Variants in GRIA4 observed in about 807,000 individuals in gnomAD.
The protein encoded by GRIA4 is glutamate receptor 4.
Under a neutral mutation model 104.0 loss-of-function variants are expected in GRIA4, and 34 were observed. That is an observed-to-expected ratio of 0.33 (90% CI 0.25 to 0.44). The LOEUF is 0.44. Ranked by LOEUF, GRIA4 falls within the 20% of genes least tolerant of loss-of-function variation. GRIA4 has a pLI of 1.00. For synonymous variants in GRIA4, 386 were observed against 381.9 expected (o/e 1.01, Z -0.13); for missense variants, 750 against 1,096.5 (o/e 0.68, Z 4.46).
chr11:105,722,314 A>T (rs1157926891), intron 3 of GRIA4, among the ~76,000 whole-genome samples: 2 of 152,166 alleles, frequency 1.3e-5, no homozygotes, highest in African/African-American at 4.8e-5. Context: ...ATGTAGGCTC[A>T]TTGTAAGTTG....
intron 3 of GRIA4, among the ~76,000 whole-genome samples, chr11:105,748,010 G>T (rs534009690): frequency 6.6e-6 from 1 of 152,262 alleles, no homozygotes; most frequent in African/African-American, 2.4e-5. Context: ...ATACTCCTAA[G>T]TACTGTACAC....
chr11:105,876,632 C>T (rs1459509575), intron 5 of GRIA4, among the ~76,000 whole-genome samples: 1 of 152,130 alleles, frequency 6.6e-6, no homozygotes, highest in Non-Finnish European at 1.5e-5. Flanking sequence ...GGATCGTTAG[C>T]TCTTCTTGTT....
intron 14 of GRIA4, among the ~76,000 whole-genome samples, chr11:105,961,478 T>G (rs1349950146): frequency 6.6e-6 from 1 of 152,170 alleles, no homozygotes; most frequent in African/African-American, 2.4e-5. Flanking sequence ...TTCTGGACAT[T>G]TTAACACTTG....
intron 4 of GRIA4, among the ~76,000 whole-genome samples, chr11:105,786,624 A>G (rs1374715230): frequency 6.6e-6 from 1 of 152,190 alleles, no homozygotes; most frequent in Non-Finnish European, 1.5e-5. Flanking sequence ...CTTCTAATTC[A>G]GTGGAGGGAA....
chr11:105,709,626 C>G (rs1041804367), intron 3 of GRIA4, among the ~76,000 whole-genome samples: 1 of 152,072 alleles, frequency 6.6e-6, no homozygotes, highest in African/African-American at 2.4e-5. Flanking sequence ...TTCCTCCACA[C>G]TGAGAAGGGT....
intron 3 of GRIA4, among the ~76,000 whole-genome samples, chr11:105,751,336 C>G (rs541541609): frequency 6.6e-6 from 1 of 152,264 alleles, no homozygotes; most frequent in South Asian, 2.1e-4. Flanking sequence ...ATACTTGCAT[C>G]CAAAGCCTTG....
At chr11:105,911,955 G>C in intron 10 of GRIA4, 1 of 1,523,558 alleles carries the variant, frequency 6.6e-7, no homozygotes, top group Non-Finnish European at 8.9e-7. Context: ...CCTAACTAAG[G>C]CTCAAGTCTT....
chr11:105,689,031 G>A lies in GRIA4; in HGVS notation c.248-63950G>A, dbSNP rs182809247. Among the ~76,000 whole-genome samples, 15 of 152,116 alleles carry A rather than the reference G, an allele frequency of 9.9e-5. No individual in the cohort carries two copies. The East Asian group carries it at 1.2e-3, about 12-fold the overall frequency. On this transcript the variant is annotated intron_variant, in intron 3 of 16. Coordinates refer to ENST00000282499, the MANE Select transcript of GRIA4 (RefSeq NM_000829.4). Reference sequence around the variant, plus strand: ...AAAGCAAGGGCCAAAGAGAGAGAGTGGGGTAGGTAACAAAAATAGAAGATG... The same window carrying A: ...AAAGCAAGGGCCAAAGAGAGAGAGTAGGGTAGGTAACAAAAATAGAAGATG...
At chr11:105,843,134 C>T (rs1944456814) in intron 4 of GRIA4, among the ~76,000 whole-genome samples, 1 of 152,124 alleles carries the variant, frequency 6.6e-6, no homozygotes, top group Non-Finnish European at 1.5e-5. Context: ...TTTTAAGATC[C>T]TCGCTCTTCC....
chr11:105,853,384 C>T (rs1944889460), intron 4 of GRIA4, among the ~76,000 whole-genome samples: 2 of 152,020 alleles, frequency 1.3e-5, no homozygotes, highest in African/African-American at 2.4e-5. Flanking sequence ...TAAAGGCTAC[C>T]TTAGGATATC....
At chr11:105,887,388 T>C (rs577343189) in intron 5 of GRIA4, 131 bp from the exon 6 acceptor site, 1 of 500,982 alleles carries the variant, frequency 2.0e-6, no homozygotes, top group African/African-American at 2.0e-5. Flanking sequence ...GTACGTGACT[T>C]TTATTTTTTA....
At position 105,655,201 on chromosome 11, in the gene GRIA4, T is replaced by A. The variant is rs914929778; in HGVS notation, c.247+42767T>A. Among the ~76,000 whole-genome samples the A allele has an allele frequency of 3.3e-5, 5 of 152,154 alleles. No homozygotes were observed. The South Asian group carries it at 6.2e-4, about 19-fold the overall frequency. On this transcript the variant is annotated intron_variant, in intron 3 of 16. Coordinates refer to ENST00000282499, the MANE Select transcript of GRIA4 (RefSeq NM_000829.4). ...TTTATAATTTTCTACATTATACACA[T>A]GATTATTAGTGTGATTCGAATATAA...
chr11:105,635,412 A>G (rs1047705170), intron 3 of GRIA4, among the ~76,000 whole-genome samples: 1 of 152,216 alleles, frequency 6.6e-6, no homozygotes, highest in African/African-American at 2.4e-5. Context: ...TGGTAGCTCC[A>G]TAGTAACTGC....
chr11:105,901,109 C>T (rs539012570), intron 7 of GRIA4, among the ~76,000 whole-genome samples: 1 of 152,200 alleles, frequency 6.6e-6, no homozygotes, highest in East Asian at 1.9e-4. Flanking sequence ...CCATCAAATA[C>T]TCATCTTTGT....
At chr11:105,771,566 T>C (rs1312859126) in intron 4 of GRIA4, among the ~76,000 whole-genome samples, 1 of 152,114 alleles carries the variant, frequency 6.6e-6, no homozygotes, top group African/African-American at 2.4e-5. Flanking sequence ...GGACATTTTT[T>C]TGTAAACCAG....
chr11:105,677,511 T>C (rs1952576687), intron 3 of GRIA4, among the ~76,000 whole-genome samples: 1 of 151,922 alleles, frequency 6.6e-6, no homozygotes, highest in Non-Finnish European at 1.5e-5. Flanking sequence ...AAGGAATCTA[T>C]AAATTCAAAC....
intron 3 of GRIA4, among the ~76,000 whole-genome samples, chr11:105,683,098 A>C (rs966720176): frequency 6.6e-6 from 1 of 152,174 alleles, no homozygotes; most frequent in Non-Finnish European, 1.5e-5. Context: ...TGCTAAACTA[A>C]GGTTAAAACA....
intron 3 of GRIA4, among the ~76,000 whole-genome samples, chr11:105,674,698 G>A (rs914173936): frequency 2.6e-5 from 4 of 151,756 alleles, no homozygotes; most frequent in Non-Finnish European, 5.9e-5. Flanking sequence ...TATTACTACT[G>A]GGAATTAAAA....
intron 10 of GRIA4, chr11:105,912,482 A>C (rs1465281448): frequency 1.1e-5 from 10 of 897,556 alleles, no homozygotes; most frequent in Non-Finnish European, 1.3e-5. Context: ...GCTATCAAAA[A>C]AAAAAAGACT....
Sources: allele counts gnomAD v4.1 joint callset (sites outside exome capture counted in the v4.1 genomes callset), GRCh38; gene constraint gnomAD v4.1.1; transcripts MANE v1.5; gene names NCBI Gene and HGNC (gene_info 2026-07-23, HGNC 2026-07-21).